Variants in FGF18 observed in about 807,000 individuals in gnomAD.
FGF18 encodes fibroblast growth factor 18.
Under a neutral mutation model 23.0 loss-of-function variants are expected in FGF18, and 5 were observed. The observed-to-expected ratio is 0.22, with a 90% CI of 0.11 to 0.46. The LOEUF is 0.46. FGF18 is among the 20% of genes least tolerant of loss of function. The pLI is 0.99. For synonymous variants in FGF18, 117 were observed against 118.9 expected (o/e 0.98, Z 0.10); for missense variants, 180 against 291.6 (o/e 0.62, Z 2.79).
At chr5:171,442,522 AG>A (rs950068549) in intron 3 of FGF18, among the ~76,000 whole-genome samples, 1 of 152,190 alleles carries the variant, frequency 6.6e-6, no homozygotes, top group African/African-American at 2.4e-5. Flanking sequence ...CAGCCCTCGC[AG>A]GGCCCCAGAT....
At chr5:171,426,383 G>A (rs1404373168) in intron 2 of FGF18, among the ~76,000 whole-genome samples, 1 of 152,210 alleles carries the variant, frequency 6.6e-6, no homozygotes, top group African/African-American at 2.4e-5. Context: ...AGCTTTTGCT[G>A]TGTTGGCTCT....
Position 171,441,340 on chromosome 5 carries a change from G to A in FGF18, c.250+5067G>A, listed in dbSNP as rs563179452. Among the ~76,000 whole-genome samples, 32 of 152,238 alleles carry A rather than the reference G, an allele frequency of 2.1e-4. 1 individual carries two copies. The South Asian group carries it at 2.5e-3, about 12-fold the overall frequency. On this transcript the variant is annotated intron_variant, in intron 3 of 4. Coordinates refer to ENST00000274625, the MANE Select transcript of FGF18 (RefSeq NM_003862.3). ...AGAGTAAAACTCATGTCCTTGAATC[G>A]GCCTGCAGGCCTGGCGTGCCTGGCT...
Position 171,436,284 on chromosome 5 carries a change from A to T in FGF18, c.250+11A>T, listed in dbSNP as rs1772245062. The T allele has an allele frequency of 6.5e-7, 1 of 1,541,262 alleles. No homozygotes were observed. Among genetic ancestry groups the T allele is most frequent in the African/African-American group, 1.4e-5 (1 of 72,310 alleles). On this transcript the variant is annotated intron_variant, in intron 3 of 4. Coordinates refer to ENST00000274625, the MANE Select transcript of FGF18 (RefSeq NM_003862.3). The surrounding 1 kb of genome is among the most constrained non-coding windows in gnomAD (Gnocchi z 4.4). ...ATGGGGACAAGTATGGTATGTGCCA[A>T]CCCTCTCCTCCTACTCCGTGTACCC...
At chr5:171,430,794 CAAAAAAAAAAA>C (rs566577499) in intron 2 of FGF18, among the ~76,000 whole-genome samples, 9 of 53,826 alleles carry the variant, frequency 1.7e-4, no homozygotes, top group African/African-American at 5.5e-4. Flanking sequence ...GACTCCGTCT[CAAAAAAAAAAA>C]AAAAAAAAAA....
Position 171,456,439 on chromosome 5 carries a change from C to A in FGF18, c.358-100C>A. ...CAAAACTTCATTACAGTTGTCCCTA[C>A]AACAATCGCAATGGTCCTGAATAAA... is the stretch of plus-strand genomic sequence containing the variant. On this transcript the variant is annotated intron_variant, in intron 4 of 4. Coordinates refer to ENST00000274625, the MANE Select transcript of FGF18 (RefSeq NM_003862.3). This position sits in a 1 kb window ranked among gnomAD's most constrained non-coding sequence, Gnocchi z 6.1. The A allele has an allele frequency of 8.2e-7, 1 of 1,220,854 alleles. No individual in the cohort carries two copies. Among genetic ancestry groups the A allele is most frequent in the Non-Finnish European group, 1.1e-6 (1 of 871,178 alleles). 75.6% of individuals were successfully genotyped at this position (1,220,854 alleles called of 1,614,324 possible).
rs1475514868 is a variant in FGF18, at chr5:171,436,615, CT to C, written c.250+344del. 1.3e-5 allele frequency among the ~76,000 whole-genome samples: 2 copies of C among 152,212 alleles called. No homozygotes were observed. Among genetic ancestry groups the C allele is most frequent in the African/African-American group, 4.8e-5 (2 of 41,452 alleles). On this transcript the variant is annotated intron_variant, in intron 3 of 4. Coordinates refer to ENST00000274625, the MANE Select transcript of FGF18 (RefSeq NM_003862.3). This position sits in a 1 kb window ranked among gnomAD's most constrained non-coding sequence, Gnocchi z 4.4. Reference sequence around the variant, plus strand: ...CACTCACCAGCCCCAGGTTCAGCCACTTCAAGGGGCAGGAGCCTCGAGGTGA... The same window carrying C: ...CACTCACCAGCCCCAGGTTCAGCCACTCAAGGGGCAGGAGCCTCGAGGTGA...
At position 171,440,806 on chromosome 5, in the gene FGF18, C is replaced by T. The variant is rs1772330465; in HGVS notation, c.250+4533C>T. On this transcript the variant is annotated intron_variant, in intron 3 of 4. Coordinates refer to ENST00000274625, the MANE Select transcript of FGF18 (RefSeq NM_003862.3). The surrounding 1 kb of genome is among the most constrained non-coding windows in gnomAD (Gnocchi z 4.0). ...CCCCAGTGCAGATGCTTCTCTGAGC[C>T]CCCAGGCTGGGTACAGAGCCCCAGA... Among the ~76,000 whole-genome samples, 1 of 152,152 alleles carries T rather than the reference C, an allele frequency of 6.6e-6. No individual in the cohort carries two copies.
intron 2 of FGF18, among the ~76,000 whole-genome samples, chr5:171,432,203 C>G (rs1772191089): frequency 6.6e-6 from 1 of 152,126 alleles, no homozygotes; most frequent in Non-Finnish European, 1.5e-5. Flanking sequence ...TTGCAGGGCA[C>G]CGAGCCAAGT....
At chr5:171,429,756 C>A (rs1337432828) in intron 2 of FGF18, among the ~76,000 whole-genome samples, 2 of 152,140 alleles carry the variant, frequency 1.3e-5, no homozygotes, top group African/African-American at 4.8e-5. Flanking sequence ...GAGGCCTGGG[C>A]GGGAGAGGCC....
intron 2 of FGF18, among the ~76,000 whole-genome samples, chr5:171,428,231 C>T (rs1772126426): frequency 6.6e-6 from 1 of 152,148 alleles, no homozygotes; most frequent in African/African-American, 2.4e-5. Context: ...AATGTTGGGT[C>T]AGTGAGTGGA....
At position 171,441,611 on chromosome 5, in the gene FGF18, C is replaced by T. The variant is rs373034877; in HGVS notation, c.250+5338C>T. Among the ~76,000 whole-genome samples the T allele has an allele frequency of 4.6e-5, 7 of 152,340 alleles. No individual in the cohort carries two copies. In the East Asian group the frequency reaches 7.7e-4, roughly 17 times the overall value. ...TCTGTCCACCCTTCCTAGCACTTGTCGCTATCCGACCTGCTGTTATATATT... is the reference window on the plus strand; with the variant it reads ...TCTGTCCACCCTTCCTAGCACTTGTTGCTATCCGACCTGCTGTTATATATT... On this transcript the variant is annotated intron_variant, in intron 3 of 4. Coordinates refer to ENST00000274625, the MANE Select transcript of FGF18 (RefSeq NM_003862.3).
intron 3 of FGF18, among the ~76,000 whole-genome samples, chr5:171,444,663 G>A (rs575410304): frequency 5.3e-5 from 8 of 151,976 alleles, no homozygotes; most frequent in Non-Finnish European, 7.4e-5. Flanking sequence ...CCAGGAAGGC[G>A]CACAGTGGTG....
chr5:171,431,293 G>C (rs1772178638), intron 2 of FGF18, among the ~76,000 whole-genome samples: 1 of 152,158 alleles, frequency 6.6e-6, no homozygotes, highest in Admixed American at 6.5e-5. Context: ...AGGTAGACAG[G>C]GCTCAATTGT....
chr5:171,430,591 A>G (rs998469735), intron 2 of FGF18, among the ~76,000 whole-genome samples: 3 of 149,104 alleles, frequency 2.0e-5, no homozygotes, highest in African/African-American at 7.6e-5. Context: ...GATCGAGACC[A>G]TCCTGGCTAA....
At position 171,440,805 on chromosome 5, in the gene FGF18, C is replaced by T. The variant is rs1772330409; in HGVS notation, c.250+4532C>T. Among the ~76,000 whole-genome samples, 1 of 152,148 alleles carries T rather than the reference C, an allele frequency of 6.6e-6. No homozygotes were observed. Among genetic ancestry groups the T allele is most frequent in the Non-Finnish European group, 1.5e-5 (1 of 68,018 alleles). On this transcript the variant is annotated intron_variant, in intron 3 of 4. Transcript: ENST00000274625. The surrounding 1 kb of genome is among the most constrained non-coding windows in gnomAD (Gnocchi z 4.0). ...GCCCCAGTGCAGATGCTTCTCTGAG[C>T]CCCCAGGCTGGGTACAGAGCCCCAG...
In FGF18 at chr5:171,451,036, C is replaced by A. The variant is rs1772498597; in HGVS notation, c.357+1783C>A. Among the ~76,000 whole-genome samples the A allele has an allele frequency of 6.6e-6, 1 of 152,042 alleles. No individual in the cohort carries two copies. The highest frequency in any genetic ancestry group is 1.5e-5 in the Non-Finnish European group (1 of 67,942). ...CTGCGCGGGGGTCAAAAGAGCAGCCCCGTCCCCTCGGGCCGCCCCCCCACC... is the reference window on the plus strand; with the variant it reads ...CTGCGCGGGGGTCAAAAGAGCAGCCACGTCCCCTCGGGCCGCCCCCCCACC... On this transcript the variant is annotated intron_variant, in intron 4 of 4. Coordinates refer to ENST00000274625, the MANE Select transcript of FGF18 (RefSeq NM_003862.3). This position sits in a 1 kb window ranked among gnomAD's most constrained non-coding sequence, Gnocchi z 4.5.
At chr5:171,444,925 C>G (rs1025247347) in intron 3 of FGF18, among the ~76,000 whole-genome samples, 13 of 152,080 alleles carry the variant, frequency 8.5e-5, no homozygotes, top group African/African-American at 3.1e-4. Flanking sequence ...TTCTTGTCCT[C>G]GTGGAGCTTA....
At chr5:171,431,754 C>T (rs959684812) in intron 2 of FGF18, among the ~76,000 whole-genome samples, 12 of 152,210 alleles carry the variant, frequency 7.9e-5, no homozygotes, top group African/African-American at 2.9e-4. Context: ...ACCAACCCTT[C>T]TCTCCTTTCG....
chr5:171,422,881 A>G (rs1401605374), intron 2 of FGF18, among the ~76,000 whole-genome samples: 2 of 152,172 alleles, frequency 1.3e-5, no homozygotes, highest in Non-Finnish European at 2.9e-5. Flanking sequence ...GTGGATCCCC[A>G]GAGTCTTAGC....
Sources: allele counts gnomAD v4.1 joint callset (sites outside exome capture counted in the v4.1 genomes callset), GRCh38; gene constraint gnomAD v4.1.1; non-coding constraint Gnocchi (gnomAD v3.1); transcripts MANE v1.5; gene names NCBI Gene and HGNC (gene_info 2026-07-23, HGNC 2026-07-21).